Variants in EVA1A observed in about 807,000 individuals in gnomAD.
EVA1A encodes protein eva-1 homolog A.
EVA1A carries 7 observed loss-of-function variants against 9.8 expected under a neutral mutation model. That is an observed-to-expected ratio of 0.71 (90% CI 0.41 to 1.34). The LOEUF (loss-of-function observed/expected upper bound fraction) is 1.34. Ranked by LOEUF, EVA1A falls within the 40% of genes most tolerant of loss-of-function variation. EVA1A has a pLI of 0.01. For synonymous variants in EVA1A, 90 were observed against 85.6 expected (o/e 1.05, Z -0.28); for missense variants, 206 against 205.9 (o/e 1.00, Z 0.00).
chr2:75,559,049 A>G (rs1676822964), intron 1 of EVA1A, among the ~76,000 whole-genome samples: 1 of 152,232 alleles, frequency 6.6e-6, no homozygotes, highest in Admixed American at 6.5e-5. Flanking sequence ...AGAGCAGATA[A>G]AAGGATGAGA....
intron 3 of EVA1A, among the ~76,000 whole-genome samples, chr2:75,497,572 G>A (rs1390301192): frequency 6.6e-6 from 1 of 151,978 alleles, no homozygotes; most frequent in Non-Finnish European, 1.5e-5. Flanking sequence ...ACACCAGGCT[G>A]GGCATGGTAG....
At chr2:75,517,747 C>T in intron 3 of EVA1A, 1 of 715,164 alleles carries the variant, frequency 1.4e-6, no homozygotes, top group Non-Finnish European at 2.6e-6. Context: ...TCAGCCCCCT[C>T]CTTGGTCAGA....
intron 1 of EVA1A, among the ~76,000 whole-genome samples, chr2:75,537,183 T>A (rs957871207): frequency 3.9e-5 from 6 of 152,160 alleles, no homozygotes; most frequent in Admixed American, 1.3e-4. Flanking sequence ...TCAATTGATA[T>A]AAACTGCCAT....
At chr2:75,524,818 G>A (rs554873281) in intron 1 of EVA1A, among the ~76,000 whole-genome samples, 1 of 152,074 alleles carries the variant, frequency 6.6e-6, no homozygotes, top group South Asian at 2.1e-4. Context: ...CTTCCTACAG[G>A]ACATGGTTCC....
chr2:75,524,834 T>C (rs1675364100), intron 1 of EVA1A, among the ~76,000 whole-genome samples: 1 of 152,196 alleles, frequency 6.6e-6, no homozygotes, highest in Admixed American at 6.5e-5. Flanking sequence ...GTTCCATTAA[T>C]GAATGATTCT....
intron 1 of EVA1A, among the ~76,000 whole-genome samples, chr2:75,524,679 C>T (rs1675357623): frequency 6.6e-6 from 1 of 152,132 alleles, no homozygotes; most frequent in Non-Finnish European, 1.5e-5. Context: ...ATTCCATCTT[C>T]TCAGCTTTCC....
intron 1 of EVA1A, among the ~76,000 whole-genome samples, chr2:75,541,494 C>G (rs539191543): frequency 6.6e-6 from 1 of 152,160 alleles, no homozygotes; most frequent in Non-Finnish European, 1.5e-5. Context: ...AATCTCTATG[C>G]CCTCATGGGG....
intron 3 of EVA1A, among the ~76,000 whole-genome samples, chr2:75,510,650 A>C (rs988416565): frequency 6.6e-6 from 1 of 152,238 alleles, no homozygotes; most frequent in African/African-American, 2.4e-5. Context: ...ATAATCACCC[A>C]AAACTCCTGC....
chr2:75,537,987 C>A (rs1288035276), intron 1 of EVA1A, among the ~76,000 whole-genome samples: 4 of 152,242 alleles, frequency 2.6e-5, no homozygotes, highest in Non-Finnish European at 5.9e-5. Context: ...GACTAATACA[C>A]CTCTTAAAAC....
chr2:75,492,884 T>C lies in EVA1A; in HGVS notation c.*352A>G, dbSNP rs1459519429. On this transcript the variant is annotated 3_prime_UTR_variant, in exon 4 of 4. Transcript: ENST00000393913. ...CCAGCCCTCATGCTATAATGATCTT[T>C]CCTTTTGCAAAGGAATAACACAGAG... The C allele has an allele frequency of 3.7e-5, 9 of 241,318 alleles. No individual in the cohort carries two copies. The highest frequency in any genetic ancestry group is 6.4e-5 in the Non-Finnish European group (8 of 125,574). 14.9% of individuals were successfully genotyped at this position (241,318 alleles called of 1,614,324 possible).
At chr2:75,493,702 C>T in intron 3 of EVA1A, 93 bp from the exon 4 acceptor site, 2 of 1,265,640 alleles carry the variant, frequency 1.6e-6, no homozygotes, top group Non-Finnish European at 2.1e-6. Context: ...TCTCACCAGG[C>T]CCCAAAGTTT....
chr2:75,563,272 G>A (rs1676960149), upstream of EVA1A, among the ~76,000 whole-genome samples: 1 of 152,194 alleles, frequency 6.6e-6, no homozygotes, highest in Admixed American at 6.5e-5. Context: ...AAGTGCATCC[G>A]TTGCTAGCCT....
At chr2:75,533,497 A>G (rs1209535880) in intron 1 of EVA1A, among the ~76,000 whole-genome samples, 2 of 152,220 alleles carry the variant, frequency 1.3e-5, no homozygotes, top group African/African-American at 4.8e-5. Context: ...AAAAGAAAGA[A>G]AAGAATTTTA....
At chr2:75,516,297 C>T (rs887981431) in intron 3 of EVA1A, among the ~76,000 whole-genome samples, 3 of 152,126 alleles carry the variant, frequency 2.0e-5, no homozygotes, top group African/African-American at 7.2e-5. Context: ...GAGTGTTCCC[C>T]ATTTCAGAAT....
chr2:75,511,936 G>C (rs1674829411), intron 3 of EVA1A, among the ~76,000 whole-genome samples: 3 of 152,140 alleles, frequency 2.0e-5, no homozygotes, highest in South Asian at 4.1e-4. Flanking sequence ...GGGAAAAATA[G>C]GAAGAAGGAT....
chr2:75,569,040 T>G (rs1414712139), intron 1 of EVA1A, among the ~76,000 whole-genome samples: 4 of 152,234 alleles, frequency 2.6e-5, no homozygotes, highest in African/African-American at 9.6e-5. Context: ...TTTAGAACTT[T>G]AAAGAATCTC....
intron 1 of EVA1A, among the ~76,000 whole-genome samples, chr2:75,566,306 C>G (rs1677026881): frequency 6.6e-6 from 1 of 152,136 alleles, no homozygotes; most frequent in Non-Finnish European, 1.5e-5. Flanking sequence ...CCTCTGCAGT[C>G]CTAGATTCCA....
intron 2 of EVA1A, among the ~76,000 whole-genome samples, chr2:75,521,698 T>G (rs757328186): frequency 6.6e-6 from 1 of 152,188 alleles, no homozygotes; most frequent in Non-Finnish European, 1.5e-5. Flanking sequence ...GGGTACAGGG[T>G]ACAAAGTTTC....
At chr2:75,535,051 C>A (rs114938713) in intron 1 of EVA1A, among the ~76,000 whole-genome samples, 2,344 of 151,794 alleles carry the variant, frequency 0.015, 56 homozygotes, top group African/African-American at 0.054. Flanking sequence ...AAAGATCAGT[C>A]CAGAATCTCC....
Sources: allele counts gnomAD v4.1 joint callset (sites outside exome capture counted in the v4.1 genomes callset), GRCh38; gene constraint gnomAD v4.1.1; transcripts MANE v1.5; gene names NCBI Gene and HGNC (gene_info 2026-07-23, HGNC 2026-07-21).